Variants in ISG20 observed in about 807,000 individuals in gnomAD.
ISG20 encodes the protein interferon stimulated exonuclease gene 20.
In ISG20, 8 loss-of-function variants were observed where a neutral mutation model predicts 11.1. The observed-to-expected ratio is 0.72, with a 90% CI of 0.42 to 1.30. The LOEUF is 1.30. Among genes scored for constraint, ISG20 ranks in the 50% most tolerant of loss-of-function variants. The pLI is 0.01. For synonymous variants in ISG20, 110 were observed against 101.7 expected (o/e 1.08, Z -0.49); for missense variants, 243 against 250.2 (o/e 0.97, Z 0.19).
chr15:88,638,501 C>T (rs1023391843), upstream of ISG20, among the ~76,000 whole-genome samples: 1 of 152,176 alleles, frequency 6.6e-6, no homozygotes, highest in African/African-American at 2.4e-5. Flanking sequence ...AGGGCTCCCT[C>T]GCTGCTCCTT....
rs1032460800 is a variant in ISG20, at chr15:88,650,120, G to T, written c.229-1990G>T. 1 of 834,266 alleles carries T rather than the reference G, an allele frequency of 1.2e-6. No homozygotes were observed. The highest frequency in any genetic ancestry group is 2.0e-6 in the Non-Finnish European group (1 of 510,284). The allele number at this position is 834,266 out of a possible 1,614,324, so 51.7% of individuals were successfully genotyped here. On this transcript the variant is annotated intron_variant, in intron 2 of 3. Transcript: ENST00000306072. This position sits in a 1 kb window ranked among gnomAD's most constrained non-coding sequence, Gnocchi z 4.0. ...CTTTCCTGGTGTACAGGCTAAGGTC[G>T]TGGGCTACATGCAGAGAAGGAGACG...
intron 3 of ISG20, among the ~76,000 whole-genome samples, chr15:88,654,799 C>T (rs1006463696): frequency 2.0e-5 from 3 of 152,128 alleles, no homozygotes; most frequent in East Asian, 1.9e-4. Context: ...TTGAATGGAC[C>T]GAGGGCCCCC....
chr15:88,643,278 T>C lies in ISG20; in HGVS notation c.228+3684T>C, dbSNP rs192161288. Among the ~76,000 whole-genome samples the C allele has an allele frequency of 1.7e-4, 26 of 152,264 alleles. No homozygotes were observed. Among genetic ancestry groups the C allele is most frequent in the Non-Finnish European group, 3.2e-4 (22 of 68,018 alleles). On this transcript the variant is annotated intron_variant, in intron 2 of 3. Transcript: ENST00000306072. This position sits in a 1 kb window ranked among gnomAD's most constrained non-coding sequence, Gnocchi z 4.4. ...AAATATTAAAAAGAGCCATAAAATG[T>C]CTCAATAACTTTTATATTGATTACC...
chr15:88,635,851 T>G (rs1329643569), upstream of ISG20, among the ~76,000 whole-genome samples: 1 of 152,260 alleles, frequency 6.6e-6, no homozygotes, highest in Admixed American at 6.5e-5. Context: ...GTGCAATTCA[T>G]CTGAGTTTTT....
chr15:88,637,290 C>T (rs4566136), upstream of ISG20: 70,651 of 150,680 alleles, frequency 0.47, 16,978 homozygotes, highest in East Asian at 0.59. Flanking sequence ...GGCTGGTGGA[C>T]TGATGGAAGA....
At chr15:88,652,866 C>T (rs1447749292) in intron 3 of ISG20, among the ~76,000 whole-genome samples, 1 of 151,494 alleles carries the variant, frequency 6.6e-6, no homozygotes, top group Non-Finnish European at 1.5e-5. Context: ...GCACACACCT[C>T]ACCTCAGATA....
In ISG20 at chr15:88,639,653, C is replaced by A; in HGVS notation, c.228+59C>A. The stretch of plus-strand genomic sequence containing the variant: ...AATAACCCCTCTCCCACTTCCCTGG[C>A]CCCTCTTCCCTGGTGCCCATCTGTG... On this transcript the variant is annotated intron_variant, in intron 2 of 3. Coordinates refer to ENST00000306072, the MANE Select transcript of ISG20 (RefSeq NM_002201.6). This position sits in a 1 kb window ranked among gnomAD's most constrained non-coding sequence, Gnocchi z 4.2. 1 of 1,355,824 alleles carries A rather than the reference C, an allele frequency of 7.4e-7. No homozygotes were observed. The highest frequency in any genetic ancestry group is 1.0e-6 in the Non-Finnish European group (1 of 956,984). 84.0% of individuals were successfully genotyped at this position (1,355,824 alleles called of 1,614,324 possible).
upstream of ISG20, among the ~76,000 whole-genome samples, chr15:88,638,195 G>A (rs533913095): frequency 1.3e-5 from 2 of 152,340 alleles, no homozygotes; most frequent in East Asian, 1.9e-4. Context: ...CGTGGGTAAC[G>A]CTCAGCTTAT....
chr15:88,647,249 C>T (rs896209630), intron 2 of ISG20: 2 of 152,094 alleles, frequency 1.3e-5, no homozygotes, highest in African/African-American at 4.8e-5. Flanking sequence ...CCCCCCCACT[C>T]CACCCCTTTT....
At chr15:88,644,760 G>A (rs912574268) in intron 2 of ISG20, among the ~76,000 whole-genome samples, 5 of 152,116 alleles carry the variant, frequency 3.3e-5, no homozygotes, top group African/African-American at 2.4e-5. Context: ...GGAGCTCCCC[G>A]CCCTCAGATT....
At chr15:88,654,087 G>C (rs2058333916) in intron 3 of ISG20, among the ~76,000 whole-genome samples, 1 of 152,142 alleles carries the variant, frequency 6.6e-6, no homozygotes, top group African/African-American at 2.4e-5. Flanking sequence ...TTGCAGCCTG[G>C]GGTTTGTCTG....
At chr15:88,651,397 A>G in intron 2 of ISG20, 1 of 649,804 alleles carries the variant, frequency 1.5e-6, no homozygotes, top group Non-Finnish European at 1.9e-6. Context: ...CGTGGGTCTC[A>G]CTGGTCTAAA....
chr15:88,638,870 G>T (rs1488297331), upstream of ISG20: 1 of 170,656 alleles, frequency 5.9e-6, no homozygotes, highest in African/African-American at 2.4e-5. Context: ...CTCCCCACCT[G>T]CCGGTAGCCC....
At chr15:88,637,060 C>G (rs1229248128), upstream of ISG20, among the ~76,000 whole-genome samples, 1 of 152,146 alleles carries the variant, frequency 6.6e-6, no homozygotes, top group Non-Finnish European at 1.5e-5. Flanking sequence ...GAGGGGCTTA[C>G]CTTTGTAGCA....
At position 88,640,007 on chromosome 15, in the gene ISG20, T is replaced by C. The variant is rs113967368; in HGVS notation, c.228+413T>C. Among the ~76,000 whole-genome samples the C allele has an allele frequency of 4.9e-3, 753 of 152,352 alleles. 5 individuals carry two copies. Among genetic ancestry groups the C allele is most frequent in the Non-Finnish European group, 8.7e-3 (593 of 68,036 alleles). ...GCCCTCCCAGTCCTGGAGAACAGGCTGAGCCTCGGGCTGAGGACCTTGCTC... is the reference window on the plus strand; with the variant it reads ...GCCCTCCCAGTCCTGGAGAACAGGCCGAGCCTCGGGCTGAGGACCTTGCTC... On this transcript the variant is annotated intron_variant, in intron 2 of 3. Coordinates refer to ENST00000306072, the MANE Select transcript of ISG20 (RefSeq NM_002201.6).
At chr15:88,640,399 C>T (rs1317916282) in intron 2 of ISG20, among the ~76,000 whole-genome samples, 4 of 152,076 alleles carry the variant, frequency 2.6e-5, no homozygotes, top group Admixed American at 2.0e-4. Flanking sequence ...ATGCACTGGC[C>T]GCTCCCCTAA....
intron 3 of ISG20, 81 bp from the exon 4 acceptor site, chr15:88,655,334 G>C: frequency 7.8e-7 from 1 of 1,284,082 alleles, no homozygotes; most frequent in East Asian, 2.3e-5. Flanking sequence ...TGGAAATCGG[G>C]ATGTGACCAG....
At position 88,655,473 on chromosome 15, in the gene ISG20, A is replaced by T; in HGVS notation, c.488A>T (p.Gln163Leu). Residue 163 changes from glutamine (Q) to leucine (L), a missense_variant, in exon 4 of 4, where the codon CAA (glutamine) becomes CTA (leucine). Physicochemically the swap from Gln to Leu is moderately radical, Grantham distance 113. Coordinates refer to ENST00000306072, the MANE Select transcript of ISG20 (RefSeq NM_002201.6). ...GCGAGGGCAACGATGGAGCTCTATC[A>T]AATCTCCCAGAGAATCCGAGCCCGC... is the stretch of plus-strand genomic sequence containing the variant. ...EDARATMELY[Q>L]ISQRIRARRG... 1 of 1,614,002 alleles carries T rather than the reference A, an allele frequency of 6.2e-7. No homozygotes were observed. The highest frequency in any genetic ancestry group is 8.5e-7 in the Non-Finnish European group (1 of 1,180,010).
intron 2 of ISG20, among the ~76,000 whole-genome samples, chr15:88,645,226 G>T (rs2058152010): frequency 6.6e-6 from 1 of 152,062 alleles, no homozygotes; most frequent in Non-Finnish European, 1.5e-5. Context: ...CCTTTCTGAG[G>T]CTCCATTTCC....
Sources: gnomAD v4.1 joint callset for allele counts (sites outside exome capture counted in the v4.1 genomes callset) on GRCh38, gnomAD v4.1.1 for gene constraint, Gnocchi (gnomAD v3.1) non-coding constraint, MANE v1.5 for transcripts, NCBI Gene and HGNC (gene_info 2026-07-23, HGNC 2026-07-21) for gene names.